Variants in DNAAF5 observed in about 807,000 individuals in gnomAD.
The protein encoded by DNAAF5 is dynein axonemal assembly factor 5, also known as HEAT repeat containing 2.
Under a neutral mutation model 75.8 loss-of-function variants are expected in DNAAF5, and 64 were observed. The observed-to-expected ratio is 0.84, with a 90% confidence interval of 0.69 to 1.04. The LOEUF is 1.04. DNAAF5 is among the 50% of genes least tolerant of loss of function. The pLI is 0.00. For synonymous variants in DNAAF5, 657 were observed against 557.2 expected (o/e 1.18, Z -2.52); for missense variants, 1,269 against 1,178.5 (o/e 1.08, Z -1.12).
intron 2 of DNAAF5, among the ~76,000 whole-genome samples, chr7:736,120 C>A (rs565633979): frequency 5.3e-5 from 8 of 152,242 alleles, no homozygotes; most frequent in African/African-American, 1.7e-4. Context: ...TGTTTCGTGG[C>A]CTAACATATG....
rs544274012 is a variant in DNAAF5, at chr7:770,929, C to T, written c.1931+311C>T. The T allele has an allele frequency of 1.1e-5, 3 of 266,136 alleles. No individual in the cohort carries two copies. In the East Asian group the frequency reaches 2.0e-4, roughly 18 times the overall value. 16.5% of individuals were successfully genotyped at this position (266,136 alleles called of 1,614,324 possible). A position where few individuals can be genotyped will look rare whatever the true frequency, so the allele number is the denominator to read the frequency against. ...TGCAGTGACCCCTGAGCTTAACTGG[C>T]CTGGAAGCAGCTAGTCCATCCTCAC... On this transcript the variant is annotated intron_variant, in intron 9 of 12. Transcript: ENST00000297440.
rs145219827 is a variant in DNAAF5, at chr7:729,710, A to T, written c.643A>T (p.Thr215Ser). 4 of 1,613,962 alleles carry T rather than the reference A, an allele frequency of 2.5e-6. No homozygotes were observed. The highest frequency in any genetic ancestry group is 3.4e-6 in the Non-Finnish European group (4 of 1,180,024). Residue 215 changes from threonine (T) to serine (S), a missense_variant, in exon 2 of 13, where the codon ACC (threonine) becomes TCC (serine). Physicochemically the swap from Thr to Ser is moderately conservative, Grantham distance 58. Coordinates refer to ENST00000297440, the MANE Select transcript of DNAAF5 (RefSeq NM_017802.4). ...SESLIGPLMQTISHQHWKVRV... is the reference protein window; with the variant it reads ...SESLIGPLMQSISHQHWKVRV... ...GTCTCTGATCGGGCCCCTGATGCAG[A>T]CCATCTCCCACCAGCACTGGAAGGT... is the stretch of plus-strand genomic sequence containing the variant.
At position 785,505 on chromosome 7, in the gene DNAAF5, T is replaced by C. The variant is rs1779117306; in HGVS notation, c.2432-12T>C. On this transcript the variant is annotated splice_polypyrimidine_tract_variant and intron_variant, in intron 12 of 12. Coordinates refer to ENST00000297440, the MANE Select transcript of DNAAF5 (RefSeq NM_017802.4). Reference sequence around the variant, plus strand: ...GTTTCTGGCATGTTCAAGGTGTTTTTCTGTTTTACAGAGGTCCTCAAAGAG... The same window carrying C: ...GTTTCTGGCATGTTCAAGGTGTTTTCCTGTTTTACAGAGGTCCTCAAAGAG... 1.2e-6 allele frequency: 2 copies of C among 1,612,132 alleles called. No homozygotes were observed. Among genetic ancestry groups the C allele is most frequent in the Non-Finnish European group, 8.5e-7 (1 of 1,178,676 alleles).
rs112354019 is a variant in DNAAF5, at chr7:782,608, A to G, written c.2431+2464A>G. On this transcript the variant is annotated intron_variant, in intron 12 of 12. Transcript: ENST00000297440. ...CCGGCGTGGCCGCGTCCCGTTACGC[A>G]GCGTCAGAAACTCGATATTCCTGGC... Among the ~76,000 whole-genome samples the G allele has an allele frequency of 5.6e-4, 79 of 141,958 alleles. 1 individual carries two copies. The highest frequency in any genetic ancestry group is 9.2e-4 in the African/African-American group (34 of 36,768). The allele number at this position is 141,958 out of a possible 152,430, so 93.1% of individuals were successfully genotyped here.
rs887811765 is a variant in DNAAF5, at chr7:727,002, G to A, written c.282G>A (p.Ala94=). The part of the protein sequence containing the change: ...CLSDPAEGCR[A]LAVHLLDLGL... ...GCGACCCCGCCGAGGGCTGCCGCGC[G>A]CTGGCAGTGCACCTGCTGGATCTGG... is the stretch of plus-strand genomic sequence containing the variant. Residue 94 remains alanine, a synonymous_variant, in exon 1 of 13, where the codon GCG becomes GCA. Coordinates refer to ENST00000297440, the MANE Select transcript of DNAAF5 (RefSeq NM_017802.4). The A allele has an allele frequency of 2.6e-5, 33 of 1,248,604 alleles. No individual in the cohort carries two copies. In the African/African-American group the frequency reaches 3.2e-4, roughly 12 times the overall value. 77.3% of individuals were successfully genotyped at this position (1,248,604 alleles called of 1,614,324 possible).
At chr7:769,263 C>A in intron 8 of DNAAF5, 1 of 721,928 alleles carries the variant, frequency 1.4e-6, no homozygotes. Context: ...GGCCCGGGGC[C>A]AGAGCGCCTC....
At chr7:775,219 T>A in intron 11 of DNAAF5, 57 bp downstream of exon 11, 2 of 1,552,162 alleles carry the variant, frequency 1.3e-6, no homozygotes, top group East Asian at 2.3e-5. Flanking sequence ...TCCGTGTCCC[T>A]GGGTTCCGTT....
chr7:740,981 A>T (rs1467865177), intron 3 of DNAAF5, 38 bp downstream of exon 3: 1 of 1,605,222 alleles, frequency 6.2e-7, no homozygotes, highest in South Asian at 1.1e-5. Flanking sequence ...GTCTTCCTAA[A>T]CGGTCATGTG....
intron 2 of DNAAF5, among the ~76,000 whole-genome samples, chr7:735,841 T>C (rs963860463): frequency 1.3e-5 from 2 of 152,206 alleles, no homozygotes; most frequent in Non-Finnish European, 2.9e-5. Context: ...GCTCTTGCTT[T>C]CCTAGTTCTT....
chr7:764,004 G>A lies in DNAAF5; in HGVS notation c.1783+30G>A, dbSNP rs761476636. The A allele has an allele frequency of 5.0e-6, 8 of 1,597,784 alleles. No homozygotes were observed. The Admixed American group carries it at 6.7e-5, about 13-fold the overall frequency. ...GCCGTCCCGACAGCTGGCGTGCCGT[G>A]CCTGGCCCCACTCAGGCTACACACC... On this transcript the variant is annotated intron_variant, in intron 8 of 12. Coordinates refer to ENST00000297440, the MANE Select transcript of DNAAF5 (RefSeq NM_017802.4).
chr7:750,165 A>G (rs745306801), intron 4 of DNAAF5, among the ~76,000 whole-genome samples: 1 of 152,062 alleles, frequency 6.6e-6, no homozygotes, highest in Non-Finnish European at 1.5e-5. Context: ...ACACTCACTC[A>G]CTGTCTGTGC....
intron 8 of DNAAF5, chr7:769,211 T>C (rs1474075982): frequency 1.3e-6 from 1 of 770,926 alleles, no homozygotes; most frequent in Non-Finnish European, 2.4e-6. Flanking sequence ...TCAAGGTGAC[T>C]CACAGTTGCT....
At chr7:757,831 C>G (rs555653179) in intron 6 of DNAAF5, among the ~76,000 whole-genome samples, 5 of 152,246 alleles carry the variant, frequency 3.3e-5, no homozygotes, top group African/African-American at 1.2e-4. Context: ...CCTGGAGGCA[C>G]TTGCTCCGGC....
chr7:764,027 A>G (rs1029668900), intron 8 of DNAAF5, 53 bp downstream of exon 8: 2 of 1,582,314 alleles, frequency 1.3e-6, no homozygotes, highest in Admixed American at 3.4e-5. Flanking sequence ...CAGGCTACAC[A>G]CCTGCTCCCC....
intron 12 of DNAAF5, among the ~76,000 whole-genome samples, chr7:781,996 G>A (rs961314919): frequency 2.0e-5 from 3 of 152,230 alleles, no homozygotes; most frequent in Non-Finnish European, 4.4e-5. Context: ...GGAAGCTTTG[G>A]GCCTGGATGT....
chr7:776,745 G>T (rs1778772909), intron 11 of DNAAF5, among the ~76,000 whole-genome samples: 1 of 152,210 alleles, frequency 6.6e-6, no homozygotes, highest in African/African-American at 2.4e-5. Flanking sequence ...CCCTCACTCA[G>T]GGCAGCCTGC....
chr7:740,032 G>A (rs778864819), intron 2 of DNAAF5, among the ~76,000 whole-genome samples: 5 of 152,026 alleles, frequency 3.3e-5, no homozygotes, highest in African/African-American at 4.8e-5. Context: ...CCACGGAGTC[G>A]GCCCCTGGCC....
In DNAAF5 at chr7:763,806, G is replaced by A; in HGVS notation, c.1615G>A (p.Ala539Thr). 1.2e-6 allele frequency: 2 copies of A among 1,613,092 alleles called. No individual in the cohort carries two copies. Among genetic ancestry groups the A allele is most frequent in the East Asian group, 2.2e-5 (1 of 44,892 alleles). The change falls in exon 8 of 13, where the codon GCA becomes ACA. Residue 539 changes from alanine (A) to threonine (T), a missense_variant and splice_region_variant. Ala to Thr is a moderately conservative substitution (Grantham distance 58). Coordinates refer to ENST00000297440, the MANE Select transcript of DNAAF5 (RefSeq NM_017802.4). ...LAGATGLRDK[A>T]QETMDSLAMV... is the part of the protein sequence containing the mutation. The stretch of plus-strand genomic sequence containing the variant: ...TCAGTCTCTGACTTGTAACCTCCAG[G>A]CACAGGAGACGATGGACTCACTGGC...
intron 4 of DNAAF5, among the ~76,000 whole-genome samples, chr7:748,498 C>A (rs1259488306): frequency 6.6e-6 from 1 of 152,180 alleles, no homozygotes; most frequent in Non-Finnish European, 1.5e-5. Context: ...TTTGAGGACC[C>A]CTTCCGTGCT....
Sources: gnomAD v4.1 joint callset for allele counts (sites outside exome capture counted in the v4.1 genomes callset) on GRCh38, gnomAD v4.1.1 for gene constraint, MANE v1.5 for transcripts, NCBI Gene and HGNC (gene_info 2026-07-23, HGNC 2026-07-21) for gene names.